The following CBX2 variants were observed in gnomAD, a reference collection of about 807,000 sequenced individuals.
CBX2 encodes the protein chromobox 2.
Under a neutral mutation model 21.0 loss-of-function variants are expected in CBX2, and 11 were observed. The ratio of observed to expected loss-of-function variants is 0.52; its 90% CI spans 0.33 to 0.87. CBX2 has a LOEUF of 0.87. CBX2 is among the 40% of genes least tolerant of loss of function. The pLI, the probability that CBX2 is intolerant of heterozygous loss-of-function variation, is 0.02. For missense variants in CBX2, 746 were observed against 724.3 expected (o/e 1.03, Z -0.34); for synonymous variants, 364 against 304.6 (o/e 1.19, Z -2.03).
chr17:79,782,493 C>G lies in CBX2; in HGVS notation c.288+692C>G. The G allele has an allele frequency of 5.1e-6, 6 of 1,186,646 alleles. No individual in the cohort carries two copies. The South Asian group carries it at 1.2e-4, about 23-fold the overall frequency. The allele number at this position is 1,186,646 out of a possible 1,614,324, so 73.5% of individuals were successfully genotyped here. A position where few individuals can be genotyped will look rare whatever the true frequency, so the allele number is the denominator to read the frequency against. On this transcript the variant is annotated intron_variant, in intron 4 of 4. Transcript: ENST00000310942. ...GGGGAGGAGGGCCTGGCCTCAGTCC[C>G]GGGTGTGGCTTTGATTCCCTCCTCC...
intron 3 of CBX2, among the ~76,000 whole-genome samples, chr17:79,780,401 G>A (rs1907089144): frequency 6.6e-6 from 1 of 152,224 alleles, no homozygotes; most frequent in Non-Finnish European, 1.5e-5. Context: ...AAAAAGAAGA[G>A]CCTGTGCTTG....
At position 79,778,199 on chromosome 17, in the gene CBX2, G is replaced by C. The variant is rs563945132; in HGVS notation, c.-37G>C. 3.5e-5 allele frequency: 44 copies of C among 1,266,536 alleles called. No homozygotes were observed. In the African/African-American group the frequency reaches 6.8e-4, roughly 20 times the overall value. The allele number at this position is 1,266,536 out of a possible 1,614,324, so 78.5% of individuals were successfully genotyped here. ...GCGCGGCGGTCCGGGCGGGTGACTG[G>C]CGGCGGGCGCCGCGGTCGGGCTGGC... On this transcript the variant is annotated 5_prime_UTR_variant, in exon 1 of 5. Coordinates refer to ENST00000310942, the MANE Select transcript of CBX2 (RefSeq NM_005189.3). The surrounding 1 kb of genome is among the most constrained non-coding windows in gnomAD (Gnocchi z 4.8).
Position 79,784,194 on chromosome 17 carries a change from A to C in CBX2, c.751A>C (p.Ser251Arg), listed in dbSNP as rs781899062. The change falls in exon 5 of 5, where the codon AGC (serine) becomes CGC (arginine). Residue 251 changes from serine to arginine, a missense_variant. This residue lies in a region of CBX2 where 701 missense variants were observed against 650.7 expected (regional missense o/e 1.08). Coordinates refer to ENST00000310942, the MANE Select transcript of CBX2 (RefSeq NM_005189.3). The surrounding 1 kb of genome is among the most constrained non-coding windows in gnomAD (Gnocchi z 5.9). ...CAGTAGCCCCGGCCGGGGTGGCATC[A>C]GCTGGCAGAGCTCCATCGTGCACTA... is the stretch of plus-strand genomic sequence containing the variant. ...MASSPGRGGI[S>R]WQSSIVHYMN... 1.2e-6 allele frequency: 2 copies of C among 1,612,730 alleles called. No individual in the cohort carries two copies. The highest frequency in any genetic ancestry group is 3.3e-5 in the Admixed American group (2 of 60,034).
chr17:79,782,437 C>A, intron 4 of CBX2: 1 of 1,298,356 alleles, frequency 7.7e-7, no homozygotes, highest in Non-Finnish European at 9.9e-7. Flanking sequence ...GCCCCTCCCT[C>A]CCCTGAGGAC....
rs782379862 is a variant in CBX2, at chr17:79,784,232, G to T, written c.789G>T (p.Met263Ile). The T allele has an allele frequency of 1.2e-6, 2 of 1,612,956 alleles. No individual in the cohort carries two copies. Among genetic ancestry groups the T allele is most frequent in the Non-Finnish European group, 1.7e-6 (2 of 1,179,952 alleles). ...CCATCGTGCACTACATGAACCGGAT[G>T]ACCCAGAGCCAGGCCCAGGCTGCCA... ...QSSIVHYMNR[M>I]TQSQAQAASR... Residue 263 changes from methionine (M) to isoleucine (I), a missense_variant, in exon 5 of 5, where the codon ATG becomes ATT. By Grantham distance (10) the Met-to-Ile change is conservative. This residue lies in a region of CBX2 where 701 missense variants were observed against 650.7 expected (regional missense o/e 1.08). Coordinates refer to ENST00000310942, the MANE Select transcript of CBX2 (RefSeq NM_005189.3). The surrounding 1 kb of genome is among the most constrained non-coding windows in gnomAD (Gnocchi z 5.9).
intron 4 of CBX2, chr17:79,782,017 A>G (rs951362921): frequency 5.6e-6 from 9 of 1,613,858 alleles, no homozygotes; most frequent in Admixed American, 5.0e-5. Flanking sequence ...CGCCCCTCCC[A>G]GGGGCTTCCT....
Position 79,779,381 on chromosome 17 carries a change from G to C in CBX2, c.136G>C (p.Glu46Gln). 1.9e-6 allele frequency: 3 copies of C among 1,613,914 alleles called. No homozygotes were observed. Among genetic ancestry groups the C allele is most frequent in the Non-Finnish European group, 2.5e-6 (3 of 1,179,982 alleles). The change falls in exon 3 of 5, where the codon GAG (glutamate) becomes CAG (glutamine). Residue 46 changes from glutamate to glutamine, a missense_variant. Physicochemically the swap from Glu to Gln is conservative, Grantham distance 29 (BLOSUM62 2). This residue lies in a region of CBX2 where 45 missense variants were observed against 73.6 expected (regional missense o/e 0.61). Transcript: ENST00000310942. ...WSSKHNSWEPEENILDPRLLL... is the reference protein window; with the variant it reads ...WSSKHNSWEPQENILDPRLLL... ...TTGCAGACATAACAGCTGGGAGCCG[G>C]AGGAGAACATCCTGGACCCGAGGCT...
Position 79,778,534 on chromosome 17 carries a change from G to A in CBX2, c.116+107G>A. The A allele has an allele frequency of 8.0e-6, 5 of 626,986 alleles. No individual in the cohort carries two copies. Among genetic ancestry groups the A allele is most frequent in the Non-Finnish European group, 9.6e-6 (4 of 414,630 alleles). The allele number at this position is 626,986 out of a possible 1,614,324, so 38.8% of individuals were successfully genotyped here. On this transcript the variant is annotated intron_variant, in intron 2 of 4. Coordinates refer to ENST00000310942, the MANE Select transcript of CBX2 (RefSeq NM_005189.3). This position sits in a 1 kb window ranked among gnomAD's most constrained non-coding sequence, Gnocchi z 4.8. Reference sequence around the variant, plus strand: ...GGTGGCCTGGGGGCGCCCGCGGGCAGAGCGGGAAGTTCGCGGGGTCCCCGC... The same window carrying A: ...GGTGGCCTGGGGGCGCCCGCGGGCAAAGCGGGAAGTTCGCGGGGTCCCCGC...
intron 3 of CBX2, 21 bp downstream of exon 3, chr17:79,779,448 G>GT (rs1555829751): frequency 7.5e-6 from 12 of 1,608,028 alleles, no homozygotes; most frequent in African/African-American, 4.1e-5. Context: ...TGACAGCACT[G>GT]GGGAGGGTGT....
At chr17:79,779,284 G>A (rs950191804) in intron 2 of CBX2, 78 bp from the exon 3 acceptor site, 29 of 1,404,056 alleles carry the variant, frequency 2.1e-5, no homozygotes, top group Admixed American at 3.8e-5. Context: ...AGCGGTGAGG[G>A]CGAGCCCCCT....
chr17:79,783,972 C>G lies in CBX2; in HGVS notation c.529C>G (p.Arg177Gly). ...KPLPPEQKAT[R>G]RPVSLAKVLK... ...CCTGCCCCCAGAGCAAAAGGCAACC[C>G]GAAGACCCGTGAGCCTGGCCAAGGT... The change falls in exon 5 of 5, where the codon CGA becomes GGA. Residue 177 changes from arginine (R) to glycine (G), a missense_variant. This residue lies in a region of CBX2 where 701 missense variants were observed against 650.7 expected (regional missense o/e 1.08). Coordinates refer to ENST00000310942, the MANE Select transcript of CBX2 (RefSeq NM_005189.3). 3 of 1,613,770 alleles carry G rather than the reference C, an allele frequency of 1.9e-6. No individual in the cohort carries two copies. Among genetic ancestry groups the G allele is most frequent in the East Asian group, 2.2e-5 (1 of 44,880 alleles).
At position 79,786,665 on chromosome 17, in the gene CBX2, G is replaced by T. The variant is rs1268361476; in HGVS notation, c.*1623G>T. 1 of 152,816 alleles carries T rather than the reference G, an allele frequency of 6.5e-6. No individual in the cohort carries two copies. The highest frequency in any genetic ancestry group is 1.5e-5 in the Non-Finnish European group (1 of 68,172). The allele number at this position is 152,816 out of a possible 1,614,324, so 9.5% of individuals were successfully genotyped here. On this transcript the variant is annotated 3_prime_UTR_variant, in exon 5 of 5. Transcript: ENST00000310942. Reference sequence around the variant, plus strand: ...AAAGAGGGTGGGGTGGGTGCTTTCTGTTCCTCTGATTGGATGGAGTCCGCC... The same window carrying T: ...AAAGAGGGTGGGGTGGGTGCTTTCTTTTCCTCTGATTGGATGGAGTCCGCC...
chr17:79,784,882 G>A lies in CBX2; in HGVS notation c.1439G>A (p.Gly480Glu), dbSNP rs1398319264. ...DPDSASPPSTGQNPSVSVQTS... is the reference protein window; with the variant it reads ...DPDSASPPSTEQNPSVSVQTS... Reference sequence around the variant, plus strand: ...GACTCCGCCTCGCCGCCCAGCACTGGACAGAACCCGTCAGTGTCCGTTCAG... The same window carrying A: ...GACTCCGCCTCGCCGCCCAGCACTGAACAGAACCCGTCAGTGTCCGTTCAG... Residue 480 changes from glycine (G) to glutamate (E), a missense_variant, in exon 5 of 5, where the codon GGA becomes GAA. Transcript: ENST00000310942. The surrounding 1 kb of genome is among the most constrained non-coding windows in gnomAD (Gnocchi z 5.9). 6.2e-7 allele frequency: 1 copy of A among 1,613,426 alleles called. No individual in the cohort carries two copies. The highest frequency in any genetic ancestry group is 8.5e-7 in the Non-Finnish European group (1 of 1,180,034).
intron 4 of CBX2, 72 bp downstream of exon 4, chr17:79,781,873 G>A: frequency 1.2e-6 from 2 of 1,614,178 alleles, no homozygotes; most frequent in Non-Finnish European, 1.7e-6. Flanking sequence ...GGCAGAGGGA[G>A]GGTTTGGGGC....
At position 79,778,325 on chromosome 17, in the gene CBX2, GGCCCCCC is replaced by G; in HGVS notation, c.72+23_72+29del. Reference sequence around the variant, plus strand: ...TCCGCAAGGTGCGTGCGGCCCGCCGGGCCCCCCGCCCGCCGCCCGCTGTCCGTCTGGC... The same window carrying G: ...TCCGCAAGGTGCGTGCGGCCCGCCGGGCCCGCCGCCCGCTGTCCGTCTGGC... On this transcript the variant is annotated intron_variant, in intron 1 of 4. Coordinates refer to ENST00000310942, the MANE Select transcript of CBX2 (RefSeq NM_005189.3). The surrounding 1 kb of genome is among the most constrained non-coding windows in gnomAD (Gnocchi z 4.8). The G allele has an allele frequency of 6.4e-7, 1 of 1,564,402 alleles. No homozygotes were observed. The highest frequency in any genetic ancestry group is 8.6e-7 in the Non-Finnish European group (1 of 1,160,696).
At chr17:79,782,903 C>T (rs1046320453) in intron 4 of CBX2, among the ~76,000 whole-genome samples, 13 of 152,180 alleles carry the variant, frequency 8.5e-5, no homozygotes, top group Non-Finnish European at 1.8e-4. Flanking sequence ...TCTTATTTAA[C>T]ATTGGCGGTG....
intron 2 of CBX2, 29 bp from the exon 3 acceptor site, chr17:79,779,333 C>T: frequency 6.2e-7 from 1 of 1,610,706 alleles, no homozygotes; most frequent in East Asian, 2.2e-5. Flanking sequence ...AGCCTGGCGT[C>T]TAATGCTGCC....
intron 3 of CBX2, among the ~76,000 whole-genome samples, chr17:79,780,354 T>C (rs1231571151): frequency 6.6e-6 from 1 of 152,216 alleles, no homozygotes; most frequent in Non-Finnish European, 1.5e-5. Context: ...AGAGGGGTCA[T>C]GATAATGGGG....
Position 79,785,060 on chromosome 17 carries a change from C to G in CBX2, c.*18C>G, listed in dbSNP as rs1555831487. On this transcript the variant is annotated 3_prime_UTR_variant, in exon 5 of 5. Coordinates refer to ENST00000310942, the MANE Select transcript of CBX2 (RefSeq NM_005189.3). ...ATTACTGAAGCCCCGGCGCCACCAG[C>G]TGCGCGGTCTTACTCCCCTTCCCTG... 3.8e-6 allele frequency: 6 copies of G among 1,587,256 alleles called. No individual in the cohort carries two copies. In the African/African-American group the frequency reaches 8.0e-5, roughly 21 times the overall value.
Sources: gnomAD v4.1 joint callset for allele counts (sites outside exome capture counted in the v4.1 genomes callset) on GRCh38, gnomAD v4.1.1 for gene constraint, gnomAD v4.1.1 regional missense constraint, Gnocchi (gnomAD v3.1) non-coding constraint, MANE v1.5 for transcripts, NCBI Gene and HGNC (gene_info 2026-07-23, HGNC 2026-07-21) for gene names.